TSNARE1: variants seen among roughly 807,000 people sequenced by gnomAD.
The protein encoded by TSNARE1 is t-SNARE domain containing 1.
In TSNARE1, 49 loss-of-function variants were observed where a neutral mutation model predicts 62.0. That is an observed-to-expected ratio of 0.79 (90% CI 0.63 to 1.00). The LOEUF (loss-of-function observed/expected upper bound fraction) is 1.00, where lower values mean the gene tolerates loss of function less well. TSNARE1 is among the 50% of genes least tolerant of loss of function. TSNARE1 has a pLI of 0.00. For missense variants in TSNARE1, 755 were observed against 700.1 expected (o/e 1.08, Z -0.88); for synonymous variants, 328 against 294.4 (o/e 1.11, Z -1.17).
At chr8:142,306,719 C>T (rs192537280) in intron 9 of TSNARE1, among the ~76,000 whole-genome samples, 134 of 152,334 alleles carry the variant, frequency 8.8e-4, no homozygotes, top group African/African-American at 3.1e-3. Flanking sequence ...AACAGGGTTG[C>T]ATATCATCTC....
chr8:142,377,454 A>T (rs1019488400), intron 1 of TSNARE1, among the ~76,000 whole-genome samples: 4 of 152,240 alleles, frequency 2.6e-5, no homozygotes, highest in African/African-American at 9.6e-5. Flanking sequence ...AAAGGCTGCT[A>T]CCCTCAATAA....
chr8:142,397,879 G>C (rs1324550813), intron 1 of TSNARE1, among the ~76,000 whole-genome samples: 1 of 152,092 alleles, frequency 6.6e-6, no homozygotes, highest in Non-Finnish European at 1.5e-5. Context: ...GCCCCTGCAG[G>C]CTCCAGACAC....
Position 142,318,527 on chromosome 8 carries a change from A to G in TSNARE1, c.984+17T>C, listed in dbSNP as rs1039050489. 1.9e-6 allele frequency: 3 copies of G among 1,604,316 alleles called. No individual in the cohort carries two copies. The South Asian group carries it at 3.3e-5, about 18-fold the overall frequency. On this transcript the variant is annotated intron_variant, in intron 7 of 13. Coordinates refer to ENST00000524325, the MANE Select transcript of TSNARE1 (RefSeq NM_145003.5). ...CATTCCTCTCCTCCCTCCCAGCCCC[A>G]GACCCCAGGAACATACCGGGCAGGA...
chr8:142,300,643 C>A lies in TSNARE1; in HGVS notation c.1133G>T (p.Ser378Ile), dbSNP rs748929580. Residue 378 changes from serine (S) to isoleucine (I), a missense_variant and splice_region_variant, in exon 10 of 14, where the codon AGT (serine) becomes ATT (isoleucine). Transcript: ENST00000524325. ...LPMAQRGSKQ[S>I]PQAPFAELAD... is the part of the protein sequence containing the mutation. ...CAGCTCGGCAAACGGGGCCTGGGGA[C>A]TCTGCTGATGACAGACAGATCTTGT... 6 of 1,612,482 alleles carry A rather than the reference C, an allele frequency of 3.7e-6. No individual in the cohort carries two copies. The highest frequency in any genetic ancestry group is 1.3e-5 in the African/African-American group (1 of 74,944).
At chr8:142,281,382 G>T (rs752234503) in intron 11 of TSNARE1, among the ~76,000 whole-genome samples, 1 of 151,982 alleles carries the variant, frequency 6.6e-6, no homozygotes, top group African/African-American at 2.4e-5. Flanking sequence ...CAGTGGGAGC[G>T]GGAAAGACAC....
At chr8:142,282,955 G>A (rs1337453562) in intron 11 of TSNARE1, among the ~76,000 whole-genome samples, 1 of 149,460 alleles carries the variant, frequency 6.7e-6, no homozygotes, top group African/African-American at 2.5e-5. Flanking sequence ...AATGAGCAGA[G>A]GGGAGGCCAC....
chr8:142,349,230 T>A (rs139342929), intron 2 of TSNARE1, among the ~76,000 whole-genome samples: 8 of 152,356 alleles, frequency 5.3e-5, no homozygotes, highest in Non-Finnish European at 7.3e-5. Flanking sequence ...TGGAAAAAAG[T>A]ACATCTGAAA....
intron 13 of TSNARE1, among the ~76,000 whole-genome samples, chr8:142,217,942 A>C (rs371685962): frequency 3.2e-5 from 1 of 30,994 alleles, no homozygotes; most frequent in East Asian, 6.2e-4. Flanking sequence ...GGCTCAGAGT[A>C]TGAGCAGGAT....
At chr8:142,269,994 T>C in intron 12 of TSNARE1, 1 of 985,408 alleles carries the variant, frequency 1.0e-6, no homozygotes, top group Non-Finnish European at 1.2e-6. Context: ...TGCCAGAGCT[T>C]CCCCGGAAGC....
At chr8:142,230,016 C>G (rs758527611) in intron 12 of TSNARE1, among the ~76,000 whole-genome samples, 1 of 152,168 alleles carries the variant, frequency 6.6e-6, no homozygotes, top group African/African-American at 2.4e-5. Flanking sequence ...TGGGGCCTGG[C>G]GAATGCCAGA....
chr8:142,283,528 A>G (rs563098993), intron 11 of TSNARE1, among the ~76,000 whole-genome samples: 1 of 138,028 alleles, frequency 7.2e-6, no homozygotes, highest in Non-Finnish European at 1.5e-5. Context: ...GTCAATGAGC[A>G]GAGGCGGGGC....
intron 10 of TSNARE1, among the ~76,000 whole-genome samples, chr8:142,295,703 G>A (rs1032649717): frequency 3.9e-5 from 6 of 152,140 alleles, no homozygotes; most frequent in African/African-American, 1.4e-4. Flanking sequence ...AAAGGAAGAT[G>A]CCCAACATAA....
rs770314315 is a variant in TSNARE1 at position 142,318,611 on chromosome 8, T to C, written c.917A>G (p.Asn306Ser). Residue 306 changes from asparagine (N) to serine (S), a missense_variant, in exon 7 of 14, where the codon AAC becomes AGC. Physicochemically the swap from Asn to Ser is conservative, Grantham distance 46 (BLOSUM62 1). Coordinates refer to ENST00000524325, the MANE Select transcript of TSNARE1 (RefSeq NM_145003.5). Reference protein sequence around the residue: ...DSLHTAQQETNKTIAASASSV... With the variant: ...DSLHTAQQETSKTIAASASSV... ...GCTGGCGCTGGCTGCAATGGTCTTG[T>C]TGGTCTCCTGCTGTGCCGTGTGCCT... 2.9e-5 allele frequency: 47 copies of C among 1,613,560 alleles called. No individual in the cohort carries two copies. The highest frequency in any genetic ancestry group is 8.5e-7 in the Non-Finnish European group (1 of 1,179,980).
At chr8:142,231,416 T>A (rs1209050589) in intron 12 of TSNARE1, among the ~76,000 whole-genome samples, 2 of 151,744 alleles carry the variant, frequency 1.3e-5, no homozygotes, top group Non-Finnish European at 2.9e-5. Flanking sequence ...AATAAGGGGT[T>A]GGGGGGTGGC....
At chr8:142,379,923 A>G (rs962323331) in intron 1 of TSNARE1, among the ~76,000 whole-genome samples, 2 of 152,178 alleles carry the variant, frequency 1.3e-5, no homozygotes, top group African/African-American at 4.8e-5. Flanking sequence ...GAAGCATCTA[A>G]TCCCCCTCTC....
intron 1 of TSNARE1, among the ~76,000 whole-genome samples, chr8:142,387,529 C>T (rs1407427463): frequency 6.6e-6 from 1 of 151,716 alleles, no homozygotes; most frequent in East Asian, 1.9e-4. Flanking sequence ...TATTCACTAA[C>T]CTAACCAAGA....
rs562779718 is a variant in TSNARE1 at position 142,329,331 on chromosome 8, C to T, written c.893+1570G>A. On this transcript the variant is annotated intron_variant, in intron 6 of 13. Coordinates refer to ENST00000524325, the MANE Select transcript of TSNARE1 (RefSeq NM_145003.5). ...GTCCTCAGACCAGGACAGTCTCCTA[C>T]TCCACGCTGGGGTCCCCTCTCCTCT... Among the ~76,000 whole-genome samples the T allele has an allele frequency of 1.1e-4, 16 of 152,330 alleles. 1 individual carries two copies. The South Asian group carries it at 3.1e-3, about 30-fold the overall frequency.
chr8:142,359,928 G>C (rs1360722558), intron 1 of TSNARE1, among the ~76,000 whole-genome samples: 1 of 152,196 alleles, frequency 6.6e-6, no homozygotes, highest in Non-Finnish European at 1.5e-5. Context: ...GGAGGGGTCA[G>C]CACCCAGGCA....
chr8:142,237,647 G>A (rs2130152606), intron 12 of TSNARE1, among the ~76,000 whole-genome samples: 1 of 152,338 alleles, frequency 6.6e-6, no homozygotes, highest in African/African-American at 2.4e-5. Flanking sequence ...TGAGTGCACA[G>A]GCATACTCTC....
Sources: gnomAD v4.1 joint callset for allele counts (sites outside exome capture counted in the v4.1 genomes callset) on GRCh38, gnomAD v4.1.1 for gene constraint, MANE v1.5 for transcripts, NCBI Gene and HGNC (gene_info 2026-07-23, HGNC 2026-07-21) for gene names.